The following ADARB2 variants were observed in gnomAD, a reference collection of about 807,000 sequenced individuals.
ADARB2 encodes inactive double-stranded RNA-specific editase B2.
ADARB2 carries 25 observed loss-of-function variants against 62.2 expected under a neutral mutation model. That is an observed-to-expected ratio of 0.40 (90% confidence interval 0.29 to 0.56). The LOEUF (loss-of-function observed/expected upper bound fraction) is 0.56, where lower values mean the gene tolerates loss of function less well. Ranked by LOEUF, ADARB2 falls within the 20% of genes least tolerant of loss-of-function variation. The pLI, the probability that ADARB2 is intolerant of heterozygous loss-of-function variation, is 0.43. For missense variants in ADARB2, 1,071 were observed against 1,077.4 expected, an observed-to-expected ratio of 0.99 and a Z score of 0.08; for synonymous variants, 572 against 500.8, an observed-to-expected ratio of 1.14 and a Z score of -1.90.
intron 2 of ADARB2, 139 bp downstream of exon 2, chr10:1,378,935 G>A (rs1313767753): frequency 2.9e-6 from 2 of 681,914 alleles, no homozygotes; most frequent in Admixed American, 2.6e-5. Flanking sequence ...AGGAATGAGA[G>A]CAGATACTGT....
intron 1 of ADARB2, among the ~76,000 whole-genome samples, chr10:1,725,356 C>T (rs1368611373): frequency 6.6e-6 from 1 of 152,200 alleles, no homozygotes; most frequent in East Asian, 1.9e-4. Flanking sequence ...GTAGGGGGGC[C>T]TCTTTCTGAC....
chr10:1,501,169 G>T (rs1450884488), intron 1 of ADARB2, among the ~76,000 whole-genome samples: 1 of 152,168 alleles, frequency 6.6e-6, no homozygotes, highest in Non-Finnish European at 1.5e-5. Flanking sequence ...CACCACGCCT[G>T]GCCTCTAGTG....
At chr10:1,391,783 T>G (rs1346300988) in intron 1 of ADARB2, among the ~76,000 whole-genome samples, 2 of 146,382 alleles carry the variant, frequency 1.4e-5, no homozygotes, top group East Asian at 3.9e-4. Context: ...TTTTTTTTTT[T>G]TTTTTTTGTG....
At chr10:1,445,023 C>A (rs1830951103) in intron 1 of ADARB2, among the ~76,000 whole-genome samples, 1 of 150,032 alleles carries the variant, frequency 6.7e-6, no homozygotes, top group Admixed American at 6.6e-5. Flanking sequence ...CATCCACTCA[C>A]CCATCCATTC....
Position 1,363,707 on chromosome 10 carries a change from A to G in ADARB2, c.398T>C (p.Leu133Pro). The G allele has an allele frequency of 6.2e-7, 1 of 1,611,630 alleles. No individual in the cohort carries two copies. Among genetic ancestry groups the G allele is most frequent in the East Asian group, 2.2e-5 (1 of 44,798 alleles). The change falls in exon 3 of 10, where the codon CTG becomes CCG. Residue 133 changes from leucine (L) to proline (P), a missense_variant. By Grantham distance (98) the Leu-to-Pro change is moderately conservative. Transcript: ENST00000381312. The part of the protein sequence containing the change: ...SVAPKNALVQ[L>P]HELRPGLQYR... Reference sequence around the variant, plus strand: ...CTGCAGGCCCGGCCTCAGCTCGTGCAGCTGCACCAGCGCGTTCTTGGGCGC... The same window carrying G: ...CTGCAGGCCCGGCCTCAGCTCGTGCGGCTGCACCAGCGCGTTCTTGGGCGC...
At position 1,678,284 on chromosome 10, in the gene ADARB2, C is replaced by T. The variant is rs150596973; in HGVS notation, c.100+58767G>A. 6.7e-3 allele frequency: 6,640 copies of T among 984,378 alleles called. 299 individuals are homozygous for T. In the African/African-American group the frequency reaches 0.095, roughly 14 times the overall value. 61.0% of individuals were successfully genotyped at this position (984,378 alleles called of 1,614,324 possible). A position where few individuals can be genotyped will look rare whatever the true frequency, so the allele number is the denominator to read the frequency against. ...TCAGGGTGAGGGACCTCGGGGTGAG[C>T]GTCCTCGGGGTGAGCATCCTCAGGG... On this transcript the variant is annotated intron_variant, in intron 1 of 9. Transcript: ENST00000381312.
At chr10:1,615,444 C>A (rs948851828) in intron 1 of ADARB2, among the ~76,000 whole-genome samples, 2 of 152,186 alleles carry the variant, frequency 1.3e-5, no homozygotes, top group African/African-American at 2.4e-5. Flanking sequence ...ACCCAGAGGC[C>A]CAGGATGCGC....
intron 1 of ADARB2, among the ~76,000 whole-genome samples, chr10:1,660,798 C>T (rs147449617): frequency 1.5e-3 from 230 of 152,298 alleles, no homozygotes; most frequent in Middle Eastern, 0.014. Context: ...GCCTTCATTC[C>T]ACTGCATGTT....
intron 1 of ADARB2, among the ~76,000 whole-genome samples, chr10:1,577,088 C>G (rs1333086237): frequency 1.3e-5 from 2 of 152,212 alleles, no homozygotes; most frequent in East Asian, 3.9e-4. Context: ...CTCCAACTTT[C>G]TCCACCTTGT....
At chr10:1,703,417 C>A (rs1009941893) in intron 1 of ADARB2, among the ~76,000 whole-genome samples, 1 of 151,836 alleles carries the variant, frequency 6.6e-6, no homozygotes, top group African/African-American at 2.4e-5. Flanking sequence ...TGCTGGTGAG[C>A]AGTGAGGAGG....
At chr10:1,606,538 G>C (rs1287399154) in intron 1 of ADARB2, among the ~76,000 whole-genome samples, 1 of 152,202 alleles carries the variant, frequency 6.6e-6, no homozygotes, top group Non-Finnish European at 1.5e-5. Context: ...CATCAAGCCT[G>C]TGTCCATCCC....
chr10:1,275,043 T>C (rs1379681325), intron 3 of ADARB2, among the ~76,000 whole-genome samples: 3 of 152,188 alleles, frequency 2.0e-5, no homozygotes, highest in African/African-American at 7.2e-5. Context: ...CCTGTACCCC[T>C]GCCCTAGGCT....
chr10:1,221,854 T>C (rs539909506), intron 6 of ADARB2, among the ~76,000 whole-genome samples: 2 of 152,360 alleles, frequency 1.3e-5, no homozygotes, highest in East Asian at 3.9e-4. Context: ...GTCTTTGCTA[T>C]TGTGAACAGT....
At chr10:1,395,344 T>C (rs557895937) in intron 1 of ADARB2, among the ~76,000 whole-genome samples, 121 of 152,214 alleles carry the variant, frequency 7.9e-4, no homozygotes, top group Admixed American at 7.2e-4. Context: ...ACCTCCCTCC[T>C]GTCTCCAACC....
intron 8 of ADARB2, among the ~76,000 whole-genome samples, chr10:1,196,891 C>G (rs887351494): frequency 9.2e-5 from 14 of 152,178 alleles, no homozygotes; most frequent in Admixed American, 7.9e-4. Flanking sequence ...CATGAGCCAC[C>G]ACGCTTAGCT....
intron 1 of ADARB2, among the ~76,000 whole-genome samples, chr10:1,613,871 AAGG>A (rs1304977966): frequency 6.6e-5 from 10 of 152,242 alleles, no homozygotes; most frequent in Admixed American, 2.0e-4. Flanking sequence ...GGGGAAATTC[AAGG>A]AGTTTATTTC....
chr10:1,557,200 G>A (rs1832716883), intron 1 of ADARB2, among the ~76,000 whole-genome samples: 1 of 150,402 alleles, frequency 6.6e-6, no homozygotes, highest in Admixed American at 6.7e-5. Flanking sequence ...CAGCCACTGT[G>A]TCCAGTCCAT....
At chr10:1,585,662 C>T (rs1001595209) in intron 1 of ADARB2, among the ~76,000 whole-genome samples, 3 of 152,192 alleles carry the variant, frequency 2.0e-5, no homozygotes, top group African/African-American at 7.2e-5. Context: ...CTCAAGTTGT[C>T]CTACCTTTCT....
At chr10:1,633,559 T>C (rs948591097) in intron 1 of ADARB2, among the ~76,000 whole-genome samples, 1 of 134,564 alleles carries the variant, frequency 7.4e-6, no homozygotes. Context: ...CATCTATCTA[T>C]CTATCTATCT....
Sources: allele counts gnomAD v4.1 joint callset (sites outside exome capture counted in the v4.1 genomes callset), GRCh38; gene constraint gnomAD v4.1.1; transcripts MANE v1.5; gene names NCBI Gene and HGNC (gene_info 2026-07-23, HGNC 2026-07-21).